Variants in KLHL4 observed in about 807,000 individuals in gnomAD.
KLHL4 encodes kelch-like protein 4.
In KLHL4, 17 loss-of-function variants were observed where a neutral mutation model predicts 45.8. The ratio of observed to expected loss-of-function variants is 0.37; its 90% CI spans 0.25 to 0.56. KLHL4 has a LOEUF of 0.56. Ranked by LOEUF, KLHL4 falls within the 20% of genes least tolerant of loss-of-function variation. The probability of loss-of-function intolerance (pLI) is 0.79; values close to 1 mark genes in which losing one functional copy is unlikely to be tolerated. For missense variants in KLHL4, 544 were observed against 544.9 expected (o/e 1.00, Z 0.02); for synonymous variants, 224 against 189.9 (o/e 1.18, Z -1.47).
intron 8 of KLHL4, among the ~76,000 whole-genome samples, chrX:87,634,130 G>C (rs779435396): frequency 1.6e-3 from 181 of 111,608 alleles, no homozygotes; most frequent in Non-Finnish European, 2.7e-3. Context: ...ATCAAGGTGT[G>C]GTCCTGGGAC....
At position 87,535,381 on chromosome X, in the gene KLHL4, G is replaced by T. The variant is rs143012127; in HGVS notation, c.422+17066G>T. Among the ~76,000 whole-genome samples, 971 of 111,862 alleles carry T rather than the reference G, an allele frequency of 8.7e-3. 7 individuals are homozygous for T. Among genetic ancestry groups the T allele is most frequent in the African/African-American group, 0.03 (922 of 30,842 alleles). ...TACTAGAAAGTGCTTAGATTAGGCT[G>T]ATCACAAAATTATTTGGAGTTAAAT... On this transcript the variant is annotated intron_variant, in intron 1 of 10. Transcript: ENST00000373119.
chrX:87,592,672 G>C (rs1921710572), intron 1 of KLHL4, among the ~76,000 whole-genome samples: 1 of 111,759 alleles, frequency 8.9e-6, no homozygotes, highest in Non-Finnish European at 1.9e-5. Context: ...CAATGATTTT[G>C]AGCACTTTTT....
chrX:87,536,049 T>C (rs1395910410), intron 1 of KLHL4, among the ~76,000 whole-genome samples: 3 of 111,072 alleles, frequency 2.7e-5, no homozygotes, highest in African/African-American at 6.5e-5. Context: ...CTTCTCTTTA[T>C]AAATTACTGT....
chrX:87,664,694 G>A (rs1924306753), intron 9 of KLHL4, 70 bp from the exon 10 acceptor site: 1 of 706,355 alleles, frequency 1.4e-6, no homozygotes, highest in Non-Finnish European at 2.1e-6. Context: ...TACATTTTAA[G>A]AATGTCTGTT....
chrX:87,622,654 A>G (rs963552127), intron 5 of KLHL4, among the ~76,000 whole-genome samples: 2 of 111,007 alleles, frequency 1.8e-5, no homozygotes, highest in African/African-American at 6.5e-5. Flanking sequence ...CAGAATACTC[A>G]TTAGTTTCAG....
At position 87,563,816 on chromosome X, in the gene KLHL4, C is replaced by T. The variant is rs182527417; in HGVS notation, c.422+45501C>T. ...CTGAAGACATTTAAGAATCAAACTC[C>T]CAAAGGTCATGGATAATGAAAGGAT... On this transcript the variant is annotated intron_variant, in intron 1 of 10. Coordinates refer to ENST00000373119, the MANE Select transcript of KLHL4 (RefSeq NM_019117.5). Among the ~76,000 whole-genome samples, 389 of 110,371 alleles carry T rather than the reference C, an allele frequency of 3.5e-3. 6 individuals carry two copies. The South Asian group carries it at 0.049, about 14-fold the overall frequency.
Position 87,613,894 on chromosome X carries a change from C to T in KLHL4, c.440C>T (p.Ser147Phe). Residue 147 changes from serine to phenylalanine, a missense_variant, in exon 2 of 11, where the codon TCT becomes TTT. Coordinates refer to ENST00000373119, the MANE Select transcript of KLHL4 (RefSeq NM_019117.5). The part of the protein sequence containing the change: ...DSTARLDTQH[S>F]EDMNATRSEE... ...CTTTTCAGATTAGATACACAACACT[C>T]TGAAGACATGAATGCCACCAGATCT... 8.3e-7 allele frequency: 1 copy of T among 1,197,789 alleles called. No individual in the cohort carries two copies. Among genetic ancestry groups the T allele is most frequent in the South Asian group, 1.9e-5 (1 of 53,739 alleles).
In KLHL4 at chrX:87,667,248, A is replaced by G. The variant is rs774823386; in HGVS notation, c.*714A>G. The G allele has an allele frequency of 7.8e-5, 55 of 705,594 alleles. No individual in the cohort carries two copies. In the South Asian group the frequency reaches 3.8e-3, roughly 49 times the overall value. The allele number at this position is 705,594 out of a possible 1,213,427, so 58.1% of individuals were successfully genotyped here. A position where few individuals can be genotyped will look rare whatever the true frequency, so the allele number is the denominator to read the frequency against. ...ACCAGTAAAATATTACTGTAATTTC[A>G]TATACACAGTCTATACAATGAAATA... On this transcript the variant is annotated 3_prime_UTR_variant, in exon 11 of 11. Coordinates refer to ENST00000373119, the MANE Select transcript of KLHL4 (RefSeq NM_019117.5).
chrX:87,622,777 A>G (rs2147818616), intron 5 of KLHL4, among the ~76,000 whole-genome samples: 1 of 110,633 alleles, frequency 9.0e-6, no homozygotes, highest in East Asian at 2.9e-4. Flanking sequence ...AGCCTTCCAG[A>G]GGAGAGTCTA....
chrX:87,614,290 C>T lies in KLHL4; in HGVS notation c.591-144C>T. The T allele has an allele frequency of 1.5e-5, 9 of 601,679 alleles. No homozygotes were observed. The South Asian group carries it at 2.5e-4, about 17-fold the overall frequency. The allele number at this position is 601,679 out of a possible 1,213,427, so 49.6% of individuals were successfully genotyped here. On this transcript the variant is annotated intron_variant, in intron 2 of 10. Transcript: ENST00000373119. ...AGATCAGTTTATGTATTTGACCTTT[C>T]TAACTTCACTACATTTAACTGAATT...
intron 1 of KLHL4, among the ~76,000 whole-genome samples, chrX:87,563,123 C>G (rs1231975718): frequency 9.0e-6 from 1 of 110,691 alleles, no homozygotes; most frequent in Non-Finnish European, 1.9e-5. Context: ...GCTCAATTCC[C>G]TTTGAATAAC....
chrX:87,565,971 G>A (rs1181051691), intron 1 of KLHL4, among the ~76,000 whole-genome samples: 1 of 110,188 alleles, frequency 9.1e-6, no homozygotes, highest in African/African-American at 3.3e-5. Flanking sequence ...GAGGGGTGGG[G>A]GGCGAGAGGA....
At chrX:87,580,609 C>T (rs1921243178) in intron 1 of KLHL4, among the ~76,000 whole-genome samples, 1 of 111,051 alleles carries the variant, frequency 9.0e-6, no homozygotes, top group Admixed American at 9.6e-5. Context: ...CAAAAAGTGT[C>T]ACAAGATACA....
intron 3 of KLHL4, 118 bp from the exon 4 acceptor site, chrX:87,617,814 A>G: frequency 1.8e-6 from 1 of 542,904 alleles, no homozygotes; most frequent in Non-Finnish European, 2.9e-6. Flanking sequence ...ATGTGCTCCA[A>G]ATCTGCTGAA....
Position 87,666,814 on chromosome X carries a change from A to G in KLHL4, c.*280A>G. 1 of 819,699 alleles carries G rather than the reference A, an allele frequency of 1.2e-6. No homozygotes were observed. Among genetic ancestry groups the G allele is most frequent in the Non-Finnish European group, 1.5e-6 (1 of 679,842 alleles). The allele number at this position is 819,699 out of a possible 1,213,427, so 67.6% of individuals were successfully genotyped here. ...TATAGCCCCATTACTACAAAATGCT[A>G]AAATATTTAATGAAAATTGATGGTG... On this transcript the variant is annotated 3_prime_UTR_variant, in exon 11 of 11. Coordinates refer to ENST00000373119, the MANE Select transcript of KLHL4 (RefSeq NM_019117.5).
At chrX:87,552,693 TTA>T (rs3049243) in intron 1 of KLHL4, among the ~76,000 whole-genome samples, 41,122 of 88,600 alleles carry the variant, frequency 0.46, 6,766 homozygotes, top group African/African-American at 0.62. Flanking sequence ...AACTGTTAAA[TTA>T]TATATATATA....
chrX:87,592,701 TTGTA>T (rs1921711676), intron 1 of KLHL4, among the ~76,000 whole-genome samples: 1 of 112,356 alleles, frequency 8.9e-6, no homozygotes, highest in Non-Finnish European at 1.9e-5. Flanking sequence ...CCTCTGCCCT[TTGTA>T]TGTTTTCTTT....
intron 1 of KLHL4, among the ~76,000 whole-genome samples, chrX:87,556,215 A>G (rs2147782145): frequency 9.0e-6 from 1 of 111,070 alleles, no homozygotes; most frequent in South Asian, 3.8e-4. Context: ...ATAAAGACAC[A>G]TGCACACGTA....
At chrX:87,538,483 T>C (rs753240819) in intron 1 of KLHL4, among the ~76,000 whole-genome samples, 2 of 111,760 alleles carry the variant, frequency 1.8e-5, no homozygotes, top group African/African-American at 3.2e-5. Context: ...ATCAGAAATA[T>C]CCTTGGAAAA....
Sources: allele counts gnomAD v4.1 joint callset (sites outside exome capture counted in the v4.1 genomes callset), GRCh38; gene constraint gnomAD v4.1.1; transcripts MANE v1.5; gene names NCBI Gene and HGNC (gene_info 2026-07-23, HGNC 2026-07-21).